SLC35F1: variants seen among roughly 807,000 people sequenced by gnomAD.
SLC35F1 encodes the protein solute carrier family 35 member F1, also known as chromosome 6 open reading frame 169.
In SLC35F1, 14 loss-of-function variants were observed where a neutral mutation model predicts 48.7. That is an observed-to-expected ratio of 0.29 (90% CI 0.19 to 0.45). The LOEUF (loss-of-function observed/expected upper bound fraction) is 0.45, where lower values mean the gene tolerates loss of function less well. SLC35F1 is among the 20% of genes least tolerant of loss of function. The pLI, the probability that SLC35F1 is intolerant of heterozygous loss-of-function variation, is 1.00. For missense variants in SLC35F1, 404 were observed against 500.0 expected (o/e 0.81, Z 1.83); for synonymous variants, 190 against 202.2 (o/e 0.94, Z 0.51).
intron 1 of SLC35F1, among the ~76,000 whole-genome samples, chr6:118,112,096 CT>C (rs1562293512): frequency 0.012 from 597 of 51,792 alleles, 9 homozygotes; most frequent in African/African-American, 0.036. Context: ...CTTTTCTTTT[CT>C]TTTCTTTTCT....
chr6:118,282,340 C>T (rs140136041), intron 6 of SLC35F1, among the ~76,000 whole-genome samples: 19 of 152,324 alleles, frequency 1.2e-4, no homozygotes, highest in African/African-American at 4.3e-4. Flanking sequence ...AGTATATTCA[C>T]ATGCAAAAAC....
intron 2 of SLC35F1, among the ~76,000 whole-genome samples, chr6:118,176,881 T>G (rs1218174312): frequency 6.6e-6 from 1 of 152,060 alleles, no homozygotes; most frequent in African/African-American, 2.4e-5. Flanking sequence ...TGCTTGTTTT[T>G]TTTGTATACT....
intron 7 of SLC35F1, among the ~76,000 whole-genome samples, chr6:118,286,457 CAA>C (rs1431005411): frequency 6.6e-6 from 1 of 152,012 alleles, no homozygotes; most frequent in Non-Finnish European, 1.5e-5. Flanking sequence ...CTGAGAGAAG[CAA>C]AAGTCATAGC....
At chr6:117,926,205 G>C (rs1053928247) in intron 1 of SLC35F1, among the ~76,000 whole-genome samples, 3 of 152,130 alleles carry the variant, frequency 2.0e-5, no homozygotes, top group Non-Finnish European at 4.4e-5. Context: ...CCGCCATGCT[G>C]TTCTCTTGGT....
chr6:118,168,261 G>T (rs1276038827), intron 2 of SLC35F1, among the ~76,000 whole-genome samples: 1 of 152,172 alleles, frequency 6.6e-6, no homozygotes, highest in East Asian at 1.9e-4. Flanking sequence ...TAGACCAGAA[G>T]GCTATTTTGA....
intron 1 of SLC35F1, among the ~76,000 whole-genome samples, chr6:118,019,733 A>G (rs897050529): frequency 6.6e-6 from 1 of 152,250 alleles, no homozygotes; most frequent in African/African-American, 2.4e-5. Flanking sequence ...CCCACTATTG[A>G]TGAAACATTC....
chr6:117,940,599 C>T (rs754416768), intron 1 of SLC35F1, among the ~76,000 whole-genome samples: 40 of 151,970 alleles, frequency 2.6e-4, no homozygotes, highest in Non-Finnish European at 4.7e-4. Flanking sequence ...ACCTGTGTTC[C>T]GCAACAGATA....
intron 1 of SLC35F1, among the ~76,000 whole-genome samples, chr6:118,134,586 C>T (rs1345810835): frequency 6.6e-6 from 1 of 152,214 alleles, no homozygotes; most frequent in African/African-American, 2.4e-5. Context: ...CAAAGGTGAA[C>T]TTGCGGCAGA....
chr6:118,022,229 G>A (rs6926821), intron 1 of SLC35F1, among the ~76,000 whole-genome samples: 150,721 of 152,338 alleles, frequency 0.99, 74,578 homozygotes, highest in Middle Eastern at 1. Flanking sequence ...ATTGGTGATC[G>A]GGAAGAAAAT....
intron 1 of SLC35F1, among the ~76,000 whole-genome samples, chr6:118,086,431 A>G (rs564682922): frequency 1.1e-4 from 17 of 152,314 alleles, no homozygotes; most frequent in African/African-American, 4.1e-4. Flanking sequence ...ACTTGAACTC[A>G]CTCAGAGCAG....
intron 4 of SLC35F1, among the ~76,000 whole-genome samples, chr6:118,271,660 C>G (rs929759936): frequency 6.6e-6 from 1 of 152,156 alleles, no homozygotes; most frequent in African/African-American, 2.4e-5. Context: ...CCCACCACCA[C>G]GCATACACAA....
At chr6:118,029,612 T>C (rs1383080593) in intron 1 of SLC35F1, among the ~76,000 whole-genome samples, 2 of 152,166 alleles carry the variant, frequency 1.3e-5, no homozygotes, top group Non-Finnish European at 2.9e-5. Flanking sequence ...TTGGAACATA[T>C]TTCTCAAGGA....
At chr6:118,147,770 C>T (rs1247794239) in intron 1 of SLC35F1, among the ~76,000 whole-genome samples, 1 of 152,144 alleles carries the variant, frequency 6.6e-6, no homozygotes, top group African/African-American at 2.4e-5. Flanking sequence ...GCCAGTAAAA[C>T]ATTATGTTTA....
chr6:118,038,395 A>G (rs1311613199), intron 1 of SLC35F1, among the ~76,000 whole-genome samples: 1 of 152,012 alleles, frequency 6.6e-6, no homozygotes, highest in Non-Finnish European at 1.5e-5. Context: ...GATAATAATA[A>G]TAATAATTTA....
intron 1 of SLC35F1, among the ~76,000 whole-genome samples, chr6:118,082,825 G>C (rs151054855): frequency 1.3e-5 from 2 of 152,122 alleles, no homozygotes; most frequent in Admixed American, 1.3e-4. Flanking sequence ...CTTTTGCATA[G>C]TCCAAATCTC....
chr6:118,129,249 G>T (rs549918472), intron 1 of SLC35F1, among the ~76,000 whole-genome samples: 1 of 152,280 alleles, frequency 6.6e-6, no homozygotes, highest in Admixed American at 6.5e-5. Flanking sequence ...ATGATAATAG[G>T]GTCTTAGGTG....
At chr6:118,171,637 T>A (rs544583789) in intron 2 of SLC35F1, among the ~76,000 whole-genome samples, 2 of 152,298 alleles carry the variant, frequency 1.3e-5, no homozygotes, top group South Asian at 4.1e-4. Flanking sequence ...AGTGTCACCA[T>A]TGAATATTAT....
At position 118,058,549 on chromosome 6, in the gene SLC35F1, A is replaced by T. The variant is rs141416381; in HGVS notation, c.174-95896A>T. On this transcript the variant is annotated intron_variant, in intron 1 of 7. Transcript: ENST00000360388. ...AAATAAAGTTAGAAGTGCTTAGAGA[A>T]TATATTATTCATCAAGCTCTTAGAA... 1.0e-3 allele frequency among the ~76,000 whole-genome samples: 158 copies of T among 152,298 alleles called. 3 individuals are homozygous for T. The East Asian group carries it at 0.027, about 26-fold the overall frequency.
At chr6:118,090,175 T>C (rs1773052352) in intron 1 of SLC35F1, among the ~76,000 whole-genome samples, 2 of 152,224 alleles carry the variant, frequency 1.3e-5, no homozygotes, top group African/African-American at 4.8e-5. Flanking sequence ...GTTATAAATT[T>C]TGGAAGAGCT....
Sources: allele counts gnomAD v4.1 joint callset (sites outside exome capture counted in the v4.1 genomes callset), GRCh38; gene constraint gnomAD v4.1.1; transcripts MANE v1.5; gene names NCBI Gene and HGNC (gene_info 2026-07-23, HGNC 2026-07-21).